ZFR: variants seen among roughly 807,000 people sequenced by gnomAD.
ZFR encodes the protein zinc finger RNA binding protein, also known as zinc finger RNA-binding protein.
Under a neutral mutation model 130.7 loss-of-function variants are expected in ZFR, and 19 were observed. That is an observed-to-expected ratio of 0.15 (90% CI 0.10 to 0.21). The LOEUF (loss-of-function observed/expected upper bound fraction) is 0.21, where lower values mean the gene tolerates loss of function less well. ZFR is among the 10% of genes least tolerant of loss of function. The pLI is 1.00. For missense variants in ZFR, 872 were observed against 1,321.5 expected (o/e 0.66, Z 5.27); for synonymous variants, 466 against 456.9 (o/e 1.02, Z -0.25).
chr5:32,428,346 G>A (rs1010940976), intron 2 of ZFR, among the ~76,000 whole-genome samples: 1 of 152,092 alleles, frequency 6.6e-6, no homozygotes, highest in South Asian at 2.1e-4. Context: ...CCAAGGAGGC[G>A]GAGGTTGCAG....
chr5:32,419,793 A>G, intron 3 of ZFR, 28 bp downstream of exon 3: 1 of 1,558,716 alleles, frequency 6.4e-7, no homozygotes, highest in Admixed American at 1.9e-5. Context: ...CCGCACATTC[A>G]GGCTACCAAA....
chr5:32,438,341 G>A (rs1380164576), intron 2 of ZFR, among the ~76,000 whole-genome samples: 5 of 135,406 alleles, frequency 3.7e-5, no homozygotes, highest in Non-Finnish European at 6.1e-5. Context: ...TTGGCTCACC[G>A]CAACCTCCAC....
chr5:32,408,623 A>T (rs1311960222), intron 5 of ZFR, among the ~76,000 whole-genome samples: 2 of 152,210 alleles, frequency 1.3e-5, no homozygotes, highest in Non-Finnish European at 1.5e-5. Context: ...TGTAAGCTTG[A>T]AAACATTTGG....
intron 2 of ZFR, among the ~76,000 whole-genome samples, chr5:32,442,406 C>T (rs1754493992): frequency 6.6e-6 from 1 of 152,140 alleles, no homozygotes. Flanking sequence ...TAACCAAAAA[C>T]CACTTGTACC....
intron 14 of ZFR, among the ~76,000 whole-genome samples, 189 bp downstream of exon 14, chr5:32,387,360 T>C (rs937278605): frequency 6.6e-6 from 1 of 152,118 alleles, no homozygotes; most frequent in African/African-American, 2.4e-5. Flanking sequence ...ATATAATCAC[T>C]ATAAAACCTA....
intron 15 of ZFR, among the ~76,000 whole-genome samples, chr5:32,380,712 G>T (rs1052583797): frequency 1.3e-4 from 17 of 133,080 alleles, no homozygotes; most frequent in African/African-American, 4.7e-4. Context: ...TGGAGTGCAC[G>T]ATCTCAGATC....
At chr5:32,392,877 C>A (rs913525602) in intron 11 of ZFR, among the ~76,000 whole-genome samples, 6 of 152,150 alleles carry the variant, frequency 3.9e-5, no homozygotes, top group Non-Finnish European at 8.8e-5. Context: ...TGCCTGTAAT[C>A]CCAACTACTT....
At chr5:32,364,824 ATT>A (rs1262588942) in intron 17 of ZFR, 2 of 152,212 alleles carry the variant, frequency 1.3e-5, no homozygotes. Flanking sequence ...AAAAATTTGT[ATT>A]TAGATTTTTA....
chr5:32,365,693 G>C (rs1581678149), intron 17 of ZFR, among the ~76,000 whole-genome samples: 2 of 150,570 alleles, frequency 1.3e-5, no homozygotes, highest in East Asian at 2.0e-4. Context: ...GATCACTTGA[G>C]CCCAAGAGCT....
At position 32,362,259 on chromosome 5, in the gene ZFR, C is replaced by T. The variant is rs550358508; in HGVS notation, c.3045+1689G>A. 2.0e-5 allele frequency among the ~76,000 whole-genome samples: 3 copies of T among 152,188 alleles called. No individual in the cohort carries two copies. In the South Asian group the frequency reaches 6.2e-4, roughly 32 times the overall value. ...TATTAAAGGTATGTTAAACTATGTA[C>T]GCCTACCTATAGGAAGGAATTTTAA... On this transcript the variant is annotated intron_variant, in intron 19 of 19. Transcript: ENST00000265069.
intron 19 of ZFR, among the ~76,000 whole-genome samples, chr5:32,357,015 G>T (rs1225985698): frequency 2.0e-5 from 3 of 152,052 alleles, no homozygotes; most frequent in Admixed American, 1.3e-4. Flanking sequence ...TTGAGACATG[G>T]TCTTACTCTG....
intron 2 of ZFR, among the ~76,000 whole-genome samples, chr5:32,430,341 T>C (rs956303960): frequency 1.3e-5 from 2 of 152,100 alleles, no homozygotes; most frequent in African/African-American, 4.8e-5. Flanking sequence ...GAAAGGTTAT[T>C]GCATAACTAA....
chr5:32,387,517 G>A (rs749560998), intron 14 of ZFR, 32 bp downstream of exon 14: 1 of 1,604,214 alleles, frequency 6.2e-7, no homozygotes. Flanking sequence ...AACCAGACAA[G>A]GGGTAAAAAT....
intron 13 of ZFR, 70 bp from the exon 14 acceptor site, chr5:32,387,769 C>A: frequency 7.1e-7 from 1 of 1,405,772 alleles, no homozygotes; most frequent in Non-Finnish European, 9.5e-7. Flanking sequence ...TGTAAACATA[C>A]AATAGTAAGT....
At chr5:32,444,201 G>A (rs1411704233) in intron 2 of ZFR, 28 bp downstream of exon 2, 3 of 1,592,016 alleles carry the variant, frequency 1.9e-6, no homozygotes, top group African/African-American at 1.4e-5. Flanking sequence ...AGCAAGGGGC[G>A]AACAGAGAGA....
chr5:32,438,052 C>T (rs957425572), intron 2 of ZFR, among the ~76,000 whole-genome samples: 2 of 152,052 alleles, frequency 1.3e-5, no homozygotes, highest in Admixed American at 1.3e-4. Flanking sequence ...GTTTTTCACT[C>T]ATGAACACAG....
At chr5:32,372,056 A>G (rs1752678195) in intron 17 of ZFR, among the ~76,000 whole-genome samples, 1 of 152,218 alleles carries the variant, frequency 6.6e-6, no homozygotes, top group Admixed American at 6.5e-5. Context: ...AGGGGTGGCA[A>G]TAAAATCCAT....
intron 2 of ZFR, among the ~76,000 whole-genome samples, chr5:32,434,494 T>C (rs1298942914): frequency 6.6e-6 from 1 of 152,240 alleles, no homozygotes; most frequent in African/African-American, 2.4e-5. Flanking sequence ...ATGAAGTTAG[T>C]GTCTCTACTT....
At chr5:32,389,458 A>G (rs1753112940) in intron 12 of ZFR, among the ~76,000 whole-genome samples, 1 of 152,216 alleles carries the variant, frequency 6.6e-6, no homozygotes, top group Non-Finnish European at 1.5e-5. Context: ...TACTGGGATT[A>G]TAGGCATGAG....
Sources: allele counts gnomAD v4.1 joint callset (sites outside exome capture counted in the v4.1 genomes callset), GRCh38; gene constraint gnomAD v4.1.1; transcripts MANE v1.5; gene names NCBI Gene and HGNC (gene_info 2026-07-23, HGNC 2026-07-21).